The following C12orf42 variants were observed in gnomAD, a reference collection of about 807,000 sequenced individuals.
C12orf42 encodes the protein uncharacterized protein C12orf42.
A neutral mutation model predicts 21.6 loss-of-function variants in C12orf42; 25 were observed. The observed-to-expected ratio is 1.16, with a 90% CI of 0.84 to 1.62. The LOEUF (loss-of-function observed/expected upper bound fraction) is 1.62. Among genes scored for constraint, C12orf42 ranks in the 40% most tolerant of loss-of-function variants. The pLI is 0.00. For missense variants in C12orf42, 483 were observed against 459.3 expected (o/e 1.05, Z -0.47); for synonymous variants, 174 against 175.0 (o/e 0.99, Z 0.05).
At chr12:103,431,479 G>A (rs923567559) in intron 2 of C12orf42, among the ~76,000 whole-genome samples, 2 of 152,158 alleles carry the variant, frequency 1.3e-5, no homozygotes, top group Non-Finnish European at 2.9e-5. Context: ...TTCAAATCCT[G>A]CATCCTGCAC....
chr12:103,556,995 G>A, the C12orf42 span, among the ~76,000 whole-genome samples: 23 of 151,720 alleles, frequency 1.5e-4, no homozygotes, highest in African/African-American at 5.3e-4. Context: ...CCTTTGGAGG[G>A]AGTGTGGCCC....
At chr12:103,153,693 A>T in the C12orf42 span, among the ~76,000 whole-genome samples, 2 of 152,154 alleles carry the variant, frequency 1.3e-5, no homozygotes, top group African/African-American at 4.8e-5. Flanking sequence ...CTGAAACTCT[A>T]ATACACTAAT....
the C12orf42 span, among the ~76,000 whole-genome samples, chr12:103,548,458 G>A: frequency 1.4e-3 from 207 of 152,226 alleles, no homozygotes; most frequent in African/African-American, 4.8e-3. Context: ...TAAAAACAAT[G>A]ACCATCTAAT....
At chr12:103,414,326 G>T (rs1172392048) in intron 2 of C12orf42, among the ~76,000 whole-genome samples, 1 of 146,798 alleles carries the variant, frequency 6.8e-6, no homozygotes, top group Non-Finnish European at 1.5e-5. Flanking sequence ...ACTTTTTTAT[G>T]GGATTGTTTG....
At chr12:103,208,954 C>T in the C12orf42 span, among the ~76,000 whole-genome samples, 1 of 152,104 alleles carries the variant, frequency 6.6e-6, no homozygotes, top group African/African-American at 2.4e-5. Context: ...GAAACAAAGT[C>T]GAATTCTTTT....
chr12:103,509,778 G>A, the C12orf42 span, among the ~76,000 whole-genome samples: 865 of 152,238 alleles, frequency 5.7e-3, 4 homozygotes, highest in African/African-American at 0.02. Flanking sequence ...AATGATCAGG[G>A]AAATGCAAAT....
chr12:103,248,276 C>T (rs1199839128), intron 10 of C12orf42, among the ~76,000 whole-genome samples: 1 of 151,972 alleles, frequency 6.6e-6, no homozygotes, highest in Non-Finnish European at 1.5e-5. Flanking sequence ...TCGGCATACA[C>T]CACCAATATT....
chr12:103,491,959 T>TTG (rs35282980), intron 1 of C12orf42, among the ~76,000 whole-genome samples: 1,612 of 151,620 alleles, frequency 0.011, 26 homozygotes, highest in African/African-American at 0.031. Context: ...TTTGTTTTTT[T>TTG]TTTGTTTGTT....
intron 4 of C12orf42, among the ~76,000 whole-genome samples, chr12:103,296,838 T>A (rs1014797996): frequency 4.6e-5 from 7 of 152,372 alleles, no homozygotes; most frequent in Middle Eastern, 3.4e-3. Context: ...TAGTTTCTTT[T>A]GCTGTGCAGA....
the C12orf42 span, among the ~76,000 whole-genome samples, chr12:103,112,722 C>T: frequency 1.3e-5 from 2 of 152,246 alleles, no homozygotes; most frequent in East Asian, 3.9e-4. Flanking sequence ...AGATGAAATA[C>T]AAACTAAGTC....
the C12orf42 span, among the ~76,000 whole-genome samples, chr12:103,079,189 TG>T: frequency 2.0e-5 from 3 of 152,100 alleles, no homozygotes; most frequent in Admixed American, 6.6e-5. Context: ...AAGGAGCCAA[TG>T]GGGTTTGAGT....
chr12:103,234,521 C>A (rs1237655472), downstream of C12orf42, among the ~76,000 whole-genome samples: 1 of 152,182 alleles, frequency 6.6e-6, no homozygotes, highest in Non-Finnish European at 1.5e-5. Flanking sequence ...CTAATGCCTA[C>A]TCCATTGGTA....
At chr12:103,154,779 GAA>G in the C12orf42 span, among the ~76,000 whole-genome samples, 20 of 152,084 alleles carry the variant, frequency 1.3e-4, no homozygotes, top group Admixed American at 5.9e-4. Flanking sequence ...ATTATGCTCA[GAA>G]AAAAACAAAG....
chr12:103,146,537 GAAAGAAAGAGAAATAAAGAAAGA>G, the C12orf42 span, among the ~76,000 whole-genome samples: 1 of 116,446 alleles, frequency 8.6e-6, no homozygotes, highest in Non-Finnish European at 1.8e-5. Flanking sequence ...AGAAAAGAAA[GAAAGAAAGAGAAATAAAGAAAGA>G]AAAGAAAGAA....
At chr12:103,058,423 T>C in the C12orf42 span, among the ~76,000 whole-genome samples, 18 of 152,192 alleles carry the variant, frequency 1.2e-4, no homozygotes, top group Admixed American at 1.1e-3. Flanking sequence ...ATTCTGTAGG[T>C]TGTCTGTTCA....
At chr12:103,445,232 T>A (rs1951503530) in intron 2 of C12orf42, among the ~76,000 whole-genome samples, 1 of 152,108 alleles carries the variant, frequency 6.6e-6, no homozygotes. Context: ...GAAACCCAGC[T>A]GGTGTCCACT....
At chr12:103,158,893 G>A in the C12orf42 span, among the ~76,000 whole-genome samples, 1 of 149,088 alleles carries the variant, frequency 6.7e-6, no homozygotes. Flanking sequence ...AAAAAAAATG[G>A]ATTGATAGTC....
At chr12:103,343,367 C>G (rs537818290) in intron 4 of C12orf42, among the ~76,000 whole-genome samples, 7 of 152,120 alleles carry the variant, frequency 4.6e-5, no homozygotes, top group Admixed American at 3.9e-4. Flanking sequence ...TTTTTTGAAA[C>G]TTTGACTACA....
At chr12:103,263,636 C>T (rs181861144), downstream of C12orf42, among the ~76,000 whole-genome samples, 1 of 152,280 alleles carries the variant, frequency 6.6e-6, no homozygotes, top group East Asian at 1.9e-4. Flanking sequence ...CGTGCTCAGC[C>T]TTATCACCCT....
Sources: allele counts gnomAD v4.1 joint callset (sites outside exome capture counted in the v4.1 genomes callset), GRCh38; gene constraint gnomAD v4.1.1; transcripts MANE v1.5; gene names NCBI Gene and HGNC (gene_info 2026-07-23, HGNC 2026-07-21).